XIRP2: variants seen among roughly 807,000 people sequenced by gnomAD.
XIRP2 encodes the protein xin actin-binding repeat-containing protein 2.
Under a neutral mutation model 277.0 loss-of-function variants are expected in XIRP2, and 236 were observed. The observed-to-expected ratio is 0.85, with a 90% CI of 0.77 to 0.95. XIRP2 has a LOEUF of 0.95. XIRP2 is among the 40% of genes least tolerant of loss of function. The pLI is 0.00. For synonymous variants in XIRP2, 1,490 were observed against 1,416.5 expected (o/e 1.05, Z -1.17); for missense variants, 4,640 against 4,157.5 (o/e 1.12, Z -3.19).
At chr2:167,008,185 C>T (rs1258730676) in intron 2 of XIRP2, among the ~76,000 whole-genome samples, 1 of 151,492 alleles carries the variant, frequency 6.6e-6, no homozygotes, top group Admixed American at 6.6e-5. Flanking sequence ...CAACATATAT[C>T]TTTTATTTAT....
Position 167,167,685 on chromosome 2 carries a change from T to C in XIRP2, c.562+31623T>C, listed in dbSNP as rs112986449. 2.4e-3 allele frequency among the ~76,000 whole-genome samples: 362 copies of C among 152,244 alleles called. 4 individuals carry two copies. The highest frequency in any genetic ancestry group is 8.4e-3 in the African/African-American group (347 of 41,548). On this transcript the variant is annotated intron_variant, in intron 3 of 10. Coordinates refer to ENST00000409195, the MANE Select transcript of XIRP2 (RefSeq NM_152381.6). ...ATTGCTGTCATTCATTTCACTTACA[T>C]ATAAACATACATAAACATATAGCAC...
chr2:166,927,572 A>G (rs554379268), intron 2 of XIRP2, among the ~76,000 whole-genome samples: 1 of 152,278 alleles, frequency 6.6e-6, no homozygotes, highest in African/African-American at 2.4e-5. Flanking sequence ...TTCTTCTCAC[A>G]TAACATGACT....
At chr2:167,032,879 AGT>A (rs1401790608) in intron 2 of XIRP2, among the ~76,000 whole-genome samples, 1 of 152,178 alleles carries the variant, frequency 6.6e-6, no homozygotes, top group Non-Finnish European at 1.5e-5. Flanking sequence ...TGTAGAAGAC[AGT>A]GTGGCAACTC....
At chr2:166,965,137 G>A (rs982319459) in intron 2 of XIRP2, among the ~76,000 whole-genome samples, 1 of 151,874 alleles carries the variant, frequency 6.6e-6, no homozygotes, top group South Asian at 2.1e-4. Context: ...GAACAAATTA[G>A]TCATGTGGCC....
intron 2 of XIRP2, among the ~76,000 whole-genome samples, chr2:166,946,282 G>A (rs956624441): frequency 6.6e-6 from 1 of 152,134 alleles, no homozygotes; most frequent in African/African-American, 2.4e-5. Context: ...TGAAAATGAT[G>A]AATTCTTCTT....
At chr2:167,159,813 AT>A (rs1450635257) in intron 3 of XIRP2, among the ~76,000 whole-genome samples, 1 of 152,196 alleles carries the variant, frequency 6.6e-6, no homozygotes, top group Non-Finnish European at 1.5e-5. Flanking sequence ...TTTCTAGGTT[AT>A]TGTTTTATTA....
chr2:167,217,108 G>A (rs1471282322), intron 4 of XIRP2, among the ~76,000 whole-genome samples: 1 of 133,528 alleles, frequency 7.5e-6, no homozygotes, highest in Admixed American at 8.2e-5. Context: ...ACAGGAAGGG[G>A]AATATCACAC....
intron 2 of XIRP2, among the ~76,000 whole-genome samples, chr2:167,111,530 G>A (rs769115603): frequency 6.6e-6 from 1 of 152,080 alleles, no homozygotes; most frequent in African/African-American, 2.4e-5. Context: ...AACTCTATTT[G>A]ATCATGTTGG....
chr2:166,901,820 C>T (rs1394030018), intron 1 of XIRP2, among the ~76,000 whole-genome samples: 1 of 152,010 alleles, frequency 6.6e-6, no homozygotes, highest in African/African-American at 2.4e-5. Context: ...TACCAATTGG[C>T]AATATTATTA....
intron 2 of XIRP2, among the ~76,000 whole-genome samples, chr2:167,093,765 C>T (rs767603521): frequency 3.3e-5 from 5 of 151,974 alleles, no homozygotes; most frequent in Admixed American, 6.6e-5. Context: ...TGAATAGGAC[C>T]GCAATAAACA....
chr2:167,111,530 G>T (rs769115603), intron 2 of XIRP2, among the ~76,000 whole-genome samples: 4 of 152,080 alleles, frequency 2.6e-5, no homozygotes, highest in Non-Finnish European at 5.9e-5. Context: ...AACTCTATTT[G>T]ATCATGTTGG....
At chr2:167,178,769 G>A (rs1692926626) in intron 3 of XIRP2, among the ~76,000 whole-genome samples, 1 of 151,354 alleles carries the variant, frequency 6.6e-6, no homozygotes, top group Non-Finnish European at 1.5e-5. Flanking sequence ...TCACACTACT[G>A]ATTTCTTCTC....
chr2:166,927,096 G>T (rs929437975), intron 2 of XIRP2, among the ~76,000 whole-genome samples: 1 of 152,040 alleles, frequency 6.6e-6, no homozygotes, highest in African/African-American at 2.4e-5. Context: ...AGGAAAACTA[G>T]CTAGTATTTT....
intron 3 of XIRP2, among the ~76,000 whole-genome samples, chr2:167,191,113 G>A (rs1303477408): frequency 6.6e-6 from 1 of 150,646 alleles, no homozygotes; most frequent in South Asian, 2.1e-4. Context: ...CTGAATCTAG[G>A]AGGTTGAGGC....
chr2:166,906,857 C>T (rs1043396528), intron 2 of XIRP2, among the ~76,000 whole-genome samples: 1 of 152,044 alleles, frequency 6.6e-6, no homozygotes, highest in African/African-American at 2.4e-5. Context: ...ATCCCATGAG[C>T]AAGGGGTTGC....
chr2:167,103,706 T>C lies in XIRP2; in HGVS notation c.409-32203T>C, dbSNP rs192716534. 3.9e-4 allele frequency among the ~76,000 whole-genome samples: 60 copies of C among 152,228 alleles called. No individual in the cohort carries two copies. The East Asian group carries it at 0.011, about 28-fold the overall frequency. On this transcript the variant is annotated intron_variant, in intron 2 of 10. Transcript: ENST00000409195. ...CATAAAGTAGTTATACCTAAGGAAA[T>C]ACAGAAATCTGATTGTCAGAAAACA...
intron 2 of XIRP2, among the ~76,000 whole-genome samples, chr2:166,935,597 G>A (rs1005131149): frequency 1.3e-5 from 2 of 152,062 alleles, no homozygotes; most frequent in Non-Finnish European, 2.9e-5. Context: ...GGTGTGTGAT[G>A]TTCCCCTTCC....
intron 2 of XIRP2, among the ~76,000 whole-genome samples, chr2:167,012,971 A>C (rs919485439): frequency 6.6e-6 from 1 of 151,188 alleles, no homozygotes; most frequent in Non-Finnish European, 1.5e-5. Context: ...TTTTTATCAC[A>C]TGTTCTTCCT....
intron 1 of XIRP2, among the ~76,000 whole-genome samples, chr2:166,897,115 A>G (rs955057077): frequency 2.6e-5 from 4 of 152,204 alleles, no homozygotes; most frequent in Non-Finnish European, 4.4e-5. Context: ...ATTAAGCAAC[A>G]CACTACTGTC....
Sources: allele counts gnomAD v4.1 joint callset (sites outside exome capture counted in the v4.1 genomes callset), GRCh38; gene constraint gnomAD v4.1.1; transcripts MANE v1.5; gene names NCBI Gene and HGNC (gene_info 2026-07-23, HGNC 2026-07-21).